The following TAOK3 variants were observed in gnomAD, a reference collection of about 807,000 sequenced individuals.
TAOK3 encodes serine/threonine-protein kinase TAO3.
In TAOK3, 40 loss-of-function variants were observed where a neutral mutation model predicts 120.4. The ratio of observed to expected loss-of-function variants is 0.33; its 90% CI spans 0.26 to 0.43. The LOEUF (loss-of-function observed/expected upper bound fraction) is 0.43, where lower values mean the gene tolerates loss of function less well. Among genes scored for constraint, TAOK3 ranks in the 20% least tolerant of loss-of-function variants. TAOK3 has a pLI of 1.00. For missense variants in TAOK3, 821 were observed against 1,112.1 expected (o/e 0.74, Z 3.72); for synonymous variants, 355 against 387.5 (o/e 0.92, Z 0.99).
At chr12:118,279,848 C>G (rs2042034176) in intron 1 of TAOK3, among the ~76,000 whole-genome samples, 1 of 149,488 alleles carries the variant, frequency 6.7e-6, no homozygotes, top group African/African-American at 2.5e-5. Context: ...TTACTGCAAT[C>G]TCCGTCTCCT....
chr12:118,323,825 C>G (rs2043820156), intron 1 of TAOK3, among the ~76,000 whole-genome samples: 1 of 152,014 alleles, frequency 6.6e-6, no homozygotes, highest in African/African-American at 2.4e-5. Flanking sequence ...ACACAGGGAT[C>G]TTGTAGGGAG....
At chr12:118,178,521 G>C (rs1197381807) in intron 15 of TAOK3, among the ~76,000 whole-genome samples, 1 of 151,936 alleles carries the variant, frequency 6.6e-6, no homozygotes, top group Non-Finnish European at 1.5e-5. Flanking sequence ...GCGGTGGCAT[G>C]ATCTCGGCTC....
chr12:118,285,542 G>A lies in TAOK3; in HGVS notation c.-193-18783C>T, dbSNP rs1406826822. On this transcript the variant is annotated intron_variant, in intron 1 of 20. Coordinates refer to ENST00000392533, the MANE Select transcript of TAOK3 (RefSeq NM_016281.4). ...TAATTTTTCTATTTTTAGTAGAGAG[G>A]GGTTTTCACCATGTTGGCCAGGCTG... Among the ~76,000 whole-genome samples, 6 of 151,644 alleles carry A rather than the reference G, an allele frequency of 4.0e-5. No homozygotes were observed. The East Asian group carries it at 1.2e-3, about 29-fold the overall frequency.
chr12:118,235,864 T>C (rs902763824), intron 7 of TAOK3, 193 bp from the exon 8 acceptor site: 3 of 508,108 alleles, frequency 5.9e-6, no homozygotes, highest in Non-Finnish European at 1.1e-5. Context: ...TTCCTGGGTG[T>C]ACTTGCAGGT....
chr12:118,155,209 T>C (rs2034735024), intron 19 of TAOK3, among the ~76,000 whole-genome samples: 1 of 152,134 alleles, frequency 6.6e-6, no homozygotes, highest in South Asian at 2.1e-4. Context: ...TTGGCCAGGC[T>C]GGTCTCGAAC....
chr12:118,261,536 C>T (rs2041228424), intron 2 of TAOK3: 1 of 152,232 alleles, frequency 6.6e-6, no homozygotes, highest in Admixed American at 6.5e-5. Context: ...TGTCTCATGT[C>T]TGTAATCCTA....
chr12:118,320,215 T>C (rs1012286555), intron 1 of TAOK3, among the ~76,000 whole-genome samples: 1 of 152,044 alleles, frequency 6.6e-6, no homozygotes, highest in Non-Finnish European at 1.5e-5. Context: ...AAGTGCTTAA[T>C]AGGTACAGAA....
intron 1 of TAOK3, among the ~76,000 whole-genome samples, chr12:118,288,496 T>C (rs1348499270): frequency 6.6e-6 from 1 of 152,162 alleles, no homozygotes; most frequent in Non-Finnish European, 1.5e-5. Context: ...AGAAGCTGAA[T>C]TGGCTGGCAC....
chr12:118,297,616 T>A (rs1304572073), intron 1 of TAOK3, among the ~76,000 whole-genome samples: 1 of 152,252 alleles, frequency 6.6e-6, no homozygotes, highest in African/African-American at 2.4e-5. Flanking sequence ...GTTCCTTATA[T>A]GTTTATTGTT....
intron 9 of TAOK3, among the ~76,000 whole-genome samples, chr12:118,222,996 T>C (rs1593210563): frequency 1.3e-5 from 2 of 151,088 alleles, no homozygotes; most frequent in Middle Eastern, 3.5e-3. Flanking sequence ...CTAAGGAAAA[T>C]GAAAGAGTAC....
At chr12:118,359,631 T>C (rs2045524479) in intron 1 of TAOK3, 1 of 152,178 alleles carries the variant, frequency 6.6e-6, no homozygotes, top group Non-Finnish European at 1.5e-5. Flanking sequence ...CTTTGTACAA[T>C]ACTAAAAAGG....
intron 1 of TAOK3, among the ~76,000 whole-genome samples, chr12:118,306,857 T>C (rs944068304): frequency 2.6e-5 from 4 of 152,190 alleles, no homozygotes; most frequent in African/African-American, 9.6e-5. Flanking sequence ...ATGAAGAAAA[T>C]AGTCTATCAC....
chr12:118,294,167 A>C (rs2042588995), intron 1 of TAOK3, among the ~76,000 whole-genome samples: 1 of 152,208 alleles, frequency 6.6e-6, no homozygotes. Flanking sequence ...ATAATAAACT[A>C]TATCCATATA....
chr12:118,205,376 A>G (rs1324382577), intron 11 of TAOK3, among the ~76,000 whole-genome samples: 1 of 151,772 alleles, frequency 6.6e-6, no homozygotes, highest in Non-Finnish European at 1.5e-5. Flanking sequence ...CAAAAAAAAA[A>G]AAAGAAAGAA....
intron 9 of TAOK3, among the ~76,000 whole-genome samples, chr12:118,220,062 T>C (rs994926494): frequency 6.7e-6 from 1 of 149,804 alleles, no homozygotes; most frequent in Non-Finnish European, 1.5e-5. Flanking sequence ...CACGTCACCA[T>C]GCTTGGCTAA....
At chr12:118,245,226 G>C (rs1432049003) in intron 3 of TAOK3, among the ~76,000 whole-genome samples, 2 of 151,946 alleles carry the variant, frequency 1.3e-5, no homozygotes, top group Non-Finnish European at 2.9e-5. Flanking sequence ...AGTAGAAATG[G>C]GGTTCCACCA....
intron 9 of TAOK3, among the ~76,000 whole-genome samples, chr12:118,215,322 C>A (rs1359424849): frequency 8.6e-6 from 1 of 116,920 alleles, no homozygotes; most frequent in African/African-American, 3.2e-5. Context: ...GGTGAAAGCC[C>A]GTCTCTACAA....
At chr12:118,241,062 C>T (rs1425920079) in intron 5 of TAOK3, among the ~76,000 whole-genome samples, 1 of 149,256 alleles carries the variant, frequency 6.7e-6, no homozygotes, top group Non-Finnish European at 1.5e-5. Flanking sequence ...TTAGATATAA[C>T]ATACTTATAA....
chr12:118,271,017 A>G (rs1169394045), intron 1 of TAOK3, among the ~76,000 whole-genome samples: 6 of 152,048 alleles, frequency 3.9e-5, no homozygotes, highest in African/African-American at 1.4e-4. Flanking sequence ...CTCCCTTTGC[A>G]TCAGTTTTCA....
Sources: gnomAD v4.1 joint callset for allele counts (sites outside exome capture counted in the v4.1 genomes callset) on GRCh38, gnomAD v4.1.1 for gene constraint, MANE v1.5 for transcripts, NCBI Gene and HGNC (gene_info 2026-07-23, HGNC 2026-07-21) for gene names.